The following ERMP1 variants were observed in gnomAD, a reference collection of about 807,000 sequenced individuals.
The protein encoded by ERMP1 is Felix-ina.
ERMP1 carries 86 observed loss-of-function variants against 92.0 expected under a neutral mutation model. That is an observed-to-expected ratio of 0.93 (90% CI 0.79 to 1.12). The LOEUF is 1.12. ERMP1 is among the 50% of genes most tolerant of loss of function. The probability of loss-of-function intolerance (pLI) is 0.00; values close to 1 mark genes in which losing one functional copy is unlikely to be tolerated. For synonymous variants in ERMP1, 530 were observed against 412.8 expected (o/e 1.28, Z -3.44); for missense variants, 1,342 against 1,116.3 (o/e 1.20, Z -2.88).
At position 5,832,757 on chromosome 9, in the gene ERMP1, A is replaced by C. The variant is rs1397652858; in HGVS notation, c.271T>G (p.Ser91Ala). The change falls in exon 1 of 15, where the codon TCG becomes GCG. Residue 91 changes from serine (S) to alanine (A), a missense_variant. Coordinates refer to ENST00000339450, the MANE Select transcript of ERMP1 (RefSeq NM_024896.3). Reference protein sequence around the residue: ...LIALRTLVQLSLQQLVLRGAA... With the variant: ...LIALRTLVQLALQQLVLRGAA... Reference sequence around the variant, plus strand: ...CCGCGTAGCACGAGCTGCTGCAGCGAGAGCTGCACCAGCGTCCGCAGCGCG... The same window carrying C: ...CCGCGTAGCACGAGCTGCTGCAGCGCGAGCTGCACCAGCGTCCGCAGCGCG... The C allele has an allele frequency of 6.7e-7, 1 of 1,498,834 alleles. No homozygotes were observed. Among genetic ancestry groups the C allele is most frequent in the Admixed American group, 2.2e-5 (1 of 46,420 alleles). The allele number at this position is 1,498,834 out of a possible 1,614,324, so 92.8% of individuals were successfully genotyped here. A position where few individuals can be genotyped will look rare whatever the true frequency, so the allele number is the denominator to read the frequency against.
chr9:5,820,459 A>C (rs1829488987), intron 4 of ERMP1, among the ~76,000 whole-genome samples: 1 of 152,218 alleles, frequency 6.6e-6, no homozygotes, highest in Admixed American at 6.5e-5. Context: ...TGGATGGTAG[A>C]ATTACAGGGG....
rs569626814 is a variant in ERMP1, at chr9:5,826,883, G to C, written c.641-1664C>G. ...ATTAAAAAGTTAAACTGTCCATTCAGCTTCCCTTATTTTAATGGTTCTGGT... is the reference window on the plus strand; with the variant it reads ...ATTAAAAAGTTAAACTGTCCATTCACCTTCCCTTATTTTAATGGTTCTGGT... On this transcript the variant is annotated intron_variant, in intron 2 of 14. Coordinates refer to ENST00000339450, the MANE Select transcript of ERMP1 (RefSeq NM_024896.3). Among the ~76,000 whole-genome samples, 20 of 152,256 alleles carry C rather than the reference G, an allele frequency of 1.3e-4. No homozygotes were observed. The East Asian group carries it at 3.9e-3, about 29-fold the overall frequency.
chr9:5,787,513 C>T lies in ERMP1; in HGVS notation c.2467G>A (p.Val823Ile). The change falls in exon 14 of 15, where the codon GTC (valine) becomes ATC (isoleucine). Residue 823 changes from valine (V) to isoleucine (I), a missense_variant. Transcript: ENST00000339450. The part of the protein sequence containing the change: ...SQWSLGNGTP[V>I]TSKGGDYFVF... ...AAGTAGTCTCCTCCTTTACTTGTGACTGGGGTGCCATTGCCAAGAGACCAC... is the reference window on the plus strand; with the variant it reads ...AAGTAGTCTCCTCCTTTACTTGTGATTGGGGTGCCATTGCCAAGAGACCAC... The T allele has an allele frequency of 6.2e-7, 1 of 1,614,138 alleles. No homozygotes were observed. Among genetic ancestry groups the T allele is most frequent in the Non-Finnish European group, 8.5e-7 (1 of 1,179,994 alleles).
rs1830025318 is a variant in ERMP1, at chr9:5,833,064, C to T, written c.-37G>A. ...TCAGCTGCCAGCCCAACCGCCCCAA[C>T]CCGCGACAGCCCCGGCCGCCGCCGA... On this transcript the variant is annotated 5_prime_UTR_variant, in exon 1 of 15. Transcript: ENST00000339450. The T allele has an allele frequency of 2.1e-6, 3 of 1,408,798 alleles. No individual in the cohort carries two copies. The highest frequency in any genetic ancestry group is 6.4e-5 in the Admixed American group (2 of 31,416). 87.3% of individuals were successfully genotyped at this position (1,408,798 alleles called of 1,614,324 possible). A position where few individuals can be genotyped will look rare whatever the true frequency, so the allele number is the denominator to read the frequency against.
chr9:5,844,145 G>C (rs1440722183), intron 6 of ERMP1, among the ~76,000 whole-genome samples: 1 of 152,156 alleles, frequency 6.6e-6, no homozygotes, highest in African/African-American at 2.4e-5. Context: ...CCCTGTCCTG[G>C]AAAACACTAA....
chr9:5,832,772 T>A lies in ERMP1; in HGVS notation c.256A>T (p.Thr86Ser). The change falls in exon 1 of 15, where the codon ACG becomes TCG. Residue 86 changes from threonine to serine, a missense_variant. Transcript: ENST00000339450. ...GLALYLIALRTLVQLSLQQLV... is the reference protein window; with the variant it reads ...GLALYLIALRSLVQLSLQQLV... ...TGCTGCAGCGAGAGCTGCACCAGCG[T>A]CCGCAGCGCGATCAGGTAGAGCGCG... 1 of 1,499,414 alleles carries A rather than the reference T, an allele frequency of 6.7e-7. No homozygotes were observed. The highest frequency in any genetic ancestry group is 8.8e-7 in the Non-Finnish European group (1 of 1,132,550). 92.9% of individuals were successfully genotyped at this position (1,499,414 alleles called of 1,614,324 possible).
intron 5 of ERMP1, among the ~76,000 whole-genome samples, chr9:5,865,232 C>T (rs1234828003): frequency 2.6e-5 from 4 of 152,142 alleles, no homozygotes; most frequent in African/African-American, 4.8e-5. Context: ...GTAGGCTGGG[C>T]GCAGTGGCTT....
chr9:5,867,081 G>C (rs1277358060), intron 5 of ERMP1, among the ~76,000 whole-genome samples: 2 of 152,180 alleles, frequency 1.3e-5, no homozygotes, highest in East Asian at 3.9e-4. Context: ...CTATAGTCCT[G>C]GCTACTTGGC....
Position 5,787,050 on chromosome 9 carries a change from C to A in ERMP1, c.*94G>T. 8.0e-7 allele frequency: 1 copy of A among 1,254,204 alleles called. No homozygotes were observed. The highest frequency in any genetic ancestry group is 2.4e-5 in the East Asian group (1 of 42,352). 77.7% of individuals were successfully genotyped at this position (1,254,204 alleles called of 1,614,324 possible). A position where few individuals can be genotyped will look rare whatever the true frequency, so the allele number is the denominator to read the frequency against. ...CTTTGAACATATGATCATTAAAATT[C>A]ATTGACTTACGTTACAAACATCCAC... is the stretch of plus-strand genomic sequence containing the variant. On this transcript the variant is annotated 3_prime_UTR_variant, in exon 15 of 15. Transcript: ENST00000339450.
intron 2 of ERMP1, among the ~76,000 whole-genome samples, chr9:5,825,448 C>G (rs920357049): frequency 3.3e-5 from 5 of 152,164 alleles, no homozygotes; most frequent in African/African-American, 1.2e-4. Flanking sequence ...TACTACCATG[C>G]CTGACCCACC....
intron 13 of ERMP1, among the ~76,000 whole-genome samples, chr9:5,790,353 G>C (rs1332114367): frequency 6.6e-6 from 1 of 151,892 alleles, no homozygotes; most frequent in East Asian, 1.9e-4. Context: ...AAAGAGCATA[G>C]AAGACACCTC....
chr9:5,822,044 A>G (rs1469204557), intron 4 of ERMP1, among the ~76,000 whole-genome samples: 3 of 151,928 alleles, frequency 2.0e-5, no homozygotes, highest in Admixed American at 1.3e-4. Context: ...GCTTGAGCTC[A>G]GGAGTTTGAG....
chr9:5,834,014 C>A (rs554087687), upstream of ERMP1, among the ~76,000 whole-genome samples: 2 of 152,262 alleles, frequency 1.3e-5, no homozygotes, highest in African/African-American at 4.8e-5. Flanking sequence ...ACCTAGAGAC[C>A]AACTGGGAGA....
upstream of ERMP1, among the ~76,000 whole-genome samples, chr9:5,835,843 G>C (rs1434809180): frequency 1.3e-5 from 2 of 152,200 alleles, no homozygotes; most frequent in African/African-American, 2.4e-5. Flanking sequence ...ATAATGTCTG[G>C]TCTTTGAAGT....
intron 6 of ERMP1, among the ~76,000 whole-genome samples, chr9:5,857,925 G>A (rs1161227638): frequency 6.6e-6 from 1 of 152,232 alleles, no homozygotes; most frequent in African/African-American, 2.4e-5. Flanking sequence ...AGTCCAGAAA[G>A]AAGAGCTGAT....
chr9:5,864,888 C>T (rs1830606663), intron 5 of ERMP1, among the ~76,000 whole-genome samples: 1 of 152,156 alleles, frequency 6.6e-6, no homozygotes, highest in East Asian at 1.9e-4. Context: ...TGAACTAACA[C>T]CTTTTCTGCA....
intron 2 of ERMP1, 122 bp downstream of exon 2, chr9:5,830,605 T>C (rs1382028171): frequency 1.0e-5 from 7 of 669,074 alleles, no homozygotes; most frequent in Admixed American, 5.8e-5. Flanking sequence ...CTGCTTTCCA[T>C]CACAAAGAAA....
chr9:5,800,685 G>A (rs147490739), intron 11 of ERMP1, among the ~76,000 whole-genome samples: 316 of 152,158 alleles, frequency 2.1e-3, no homozygotes, highest in African/African-American at 7.0e-3. Context: ...TAAAAAAAGA[G>A]AAAAGAAAGT....
chr9:5,802,108 T>A (rs1470176674), intron 10 of ERMP1, among the ~76,000 whole-genome samples: 1 of 152,224 alleles, frequency 6.6e-6, no homozygotes, highest in Non-Finnish European at 1.5e-5. Flanking sequence ...AGCCACATTT[T>A]AAATATTGTG....
Sources: gnomAD v4.1 joint callset for allele counts (sites outside exome capture counted in the v4.1 genomes callset) on GRCh38, gnomAD v4.1.1 for gene constraint, MANE v1.5 for transcripts, NCBI Gene and HGNC (gene_info 2026-07-23, HGNC 2026-07-21) for gene names.